SRCAP: variants seen among roughly 807,000 people sequenced by gnomAD.
The protein encoded by SRCAP is chromatin remodeling protein SRCAP.
A neutral mutation model predicts 263.1 loss-of-function variants in SRCAP; 46 were observed. That is an observed-to-expected ratio of 0.17 (90% confidence interval 0.14 to 0.22). The LOEUF is 0.22. Ranked by LOEUF, SRCAP falls within the 10% of genes least tolerant of loss-of-function variation. The pLI is 1.00. For missense variants in SRCAP, 3,695 were observed against 4,181.9 expected (o/e 0.88, Z 3.21); for synonymous variants, 1,813 against 1,662.1 (o/e 1.09, Z -2.21).
Position 30,733,128 on chromosome 16 carries a change from G to T in SRCAP, c.6128-152G>T. On this transcript the variant is annotated intron_variant, in intron 27 of 33. Transcript: ENST00000262518. This position sits in a 1 kb window ranked among gnomAD's most constrained non-coding sequence, Gnocchi z 5.3. ...AGGGACTACAGGTGTGAGCCACCATGCCCTGCCGTAGTTAAACATTTTTGA... is the reference window on the plus strand; with the variant it reads ...AGGGACTACAGGTGTGAGCCACCATTCCCTGCCGTAGTTAAACATTTTTGA... 1.2e-6 allele frequency: 1 copy of T among 825,934 alleles called. No individual in the cohort carries two copies. 51.2% of individuals were successfully genotyped at this position (825,934 alleles called of 1,614,324 possible).
Position 30,724,967 on chromosome 16 carries a change from C to T in SRCAP, c.5543C>T (p.Pro1848Leu), listed in dbSNP as rs187062267. The T allele has an allele frequency of 1.2e-6, 2 of 1,614,212 alleles. No homozygotes were observed. The highest frequency in any genetic ancestry group is 2.7e-5 in the African/African-American group (2 of 75,046). Reference protein sequence around the residue: ...VSRLPVSKDEPDTLTLRSGPP... With the variant: ...VSRLPVSKDELDTLTLRSGPP... ...CGGCTGCCTGTTTCCAAGGATGAGC[C>T]TGACACACTGACATTGCGCTCTGGT... Residue 1848 changes from proline (P) to leucine (L), a missense_variant, in exon 25 of 34, where the codon CCT becomes CTT. By Grantham distance (98) the Pro-to-Leu change is moderately conservative. Around this residue, in one of 12 missense-constraint regions of SRCAP, gnomAD observed 1,347 missense variants for 1,304.4 expected, o/e 1.03. Coordinates refer to ENST00000262518, the MANE Select transcript of SRCAP (RefSeq NM_006662.3).
chr16:30,722,251 G>T lies in SRCAP; in HGVS notation c.3671G>T (p.Arg1224Leu). 6.2e-7 allele frequency: 1 copy of T among 1,614,110 alleles called. No individual in the cohort carries two copies. The highest frequency in any genetic ancestry group is 8.5e-7 in the Non-Finnish European group (1 of 1,180,006). ...NKLTLTGAQV[R>L]QLAVGQPRPL... is the part of the protein sequence containing the mutation. ...CTGACTTTGACTGGTGCCCAGGTGCGCCAGCTTGCTGTGGGGCAGCCCCGC... is the reference window on the plus strand; with the variant it reads ...CTGACTTTGACTGGTGCCCAGGTGCTCCAGCTTGCTGTGGGGCAGCCCCGC... Residue 1224 changes from arginine to leucine, a missense_variant, in exon 22 of 34, where the codon CGC (arginine) becomes CTC (leucine). Physicochemically the swap from Arg to Leu is moderately radical, Grantham distance 102 (BLOSUM62 -2). Transcript: ENST00000262518.
At chr16:30,713,094 G>A (rs765958559) in intron 14 of SRCAP, 114 bp from the exon 15 acceptor site, 1 of 1,212,424 alleles carries the variant, frequency 8.2e-7, no homozygotes, top group East Asian at 2.3e-5. Context: ...CTTTTGCTGG[G>A]ACTTTCTCTT....
chr16:30,736,465 C>A (rs1016841924), intron 32 of SRCAP, 71 bp downstream of exon 32: 8 of 1,609,978 alleles, frequency 5.0e-6, no homozygotes, highest in Non-Finnish European at 5.1e-6. Context: ...TTTGTCTTCC[C>A]TGGTGGGAAT....
chr16:30,717,009 T>C (rs899992525), intron 18 of SRCAP, among the ~76,000 whole-genome samples: 3 of 152,256 alleles, frequency 2.0e-5, no homozygotes, highest in Non-Finnish European at 4.4e-5. Flanking sequence ...TATTTCTGCA[T>C]GTTGGGAAAA....
At chr16:30,710,617 T>G (rs1291683989) in intron 8 of SRCAP, 137 bp from the exon 9 acceptor site, 1 of 929,186 alleles carries the variant, frequency 1.1e-6, no homozygotes. Context: ...TTGATTGTAT[T>G]CTTGCCCTGG....
Position 30,720,720 on chromosome 16 carries a change from C to T in SRCAP, c.2995C>T (p.Gln999Ter). 6.3e-7 allele frequency: 1 copy of T among 1,597,868 alleles called. No individual in the cohort carries two copies. Among genetic ancestry groups the T allele is most frequent in the Non-Finnish European group, 8.5e-7 (1 of 1,170,168 alleles). ...CTTAATTTTTTCTCACAGGATGCTG[C>T]AGCCAGTACCTAAGCAAGAAGGCCG... is the stretch of plus-strand genomic sequence containing the variant. Reference protein sequence around the residue: ...PVKMKVNRMLQPVPKQEGRTV... With the variant: ...PVKMKVNRML Residue 999 changes from glutamine (Q) to a stop codon, truncating the protein, a stop_gained, in exon 20 of 34, where the codon CAG becomes TAG. Transcript: ENST00000262518. LOFTEE classifies it high-confidence loss of function.
Position 30,713,708 on chromosome 16 carries a change from C to T in SRCAP, c.2490C>T (p.His830=), listed in dbSNP as rs540360327. The T allele has an allele frequency of 3.7e-5, 59 of 1,613,662 alleles. 1 individual carries two copies. In the South Asian group the frequency reaches 6.0e-4, roughly 17 times the overall value. The part of the protein sequence containing the change: ...EYNEGLVKRL[H]KVLRPFLLRR... Reference sequence around the variant, plus strand: ...ATGAAGGTCTAGTCAAACGCCTCCACAAGGTAGGGCCTGCAACAGTTTGTC... The same window carrying T: ...ATGAAGGTCTAGTCAAACGCCTCCATAAGGTAGGGCCTGCAACAGTTTGTC... Residue 830 remains histidine (H), a synonymous_variant, in exon 16 of 34, where the codon CAC becomes CAT. Coordinates refer to ENST00000262518, the MANE Select transcript of SRCAP (RefSeq NM_006662.3).
rs770296379 is a variant in SRCAP at position 30,720,749 on chromosome 16, A to G, written c.3024A>G (p.Thr1008=). 5 of 1,612,398 alleles carry G rather than the reference A, an allele frequency of 3.1e-6. No homozygotes were observed. In the Admixed American group the frequency reaches 5.0e-5, roughly 16 times the overall value. ...CAGTACCTAAGCAAGAAGGCCGGAC[A>G]GTGGTGGTGGTGAACAACCCACGGG... ...LQPVPKQEGR[T]VVVVNNPRAP... The change falls in exon 20 of 34, where the codon ACA becomes ACG. Residue 1008 remains threonine (T), a synonymous_variant. Transcript: ENST00000262518.
chr16:30,712,036 A>T lies in SRCAP; in HGVS notation c.1694A>T (p.Asp565Val). 1 of 1,614,086 alleles carries T rather than the reference A, an allele frequency of 6.2e-7. No individual in the cohort carries two copies. The highest frequency in any genetic ancestry group is 8.5e-7 in the Non-Finnish European group (1 of 1,180,026). Residue 565 changes from aspartate to valine, a missense_variant, in exon 12 of 34, where the codon GAT (aspartate) becomes GTT (valine). Coordinates refer to ENST00000262518, the MANE Select transcript of SRCAP (RefSeq NM_006662.3). Reference protein sequence around the residue: ...LARDEEQSEADAGSGPPTPGP... With the variant: ...LARDEEQSEAVAGSGPPTPGP... Reference sequence around the variant, plus strand: ...AGGGATGAAGAGCAGAGTGAGGCAGATGCAGGCAGTGGGCCTCCTACTCCA... The same window carrying T: ...AGGGATGAAGAGCAGAGTGAGGCAGTTGCAGGCAGTGGGCCTCCTACTCCA...
intron 16 of SRCAP, 139 bp downstream of exon 16, chr16:30,713,850 G>A: frequency 1.4e-6 from 1 of 726,186 alleles, no homozygotes; most frequent in South Asian, 1.8e-5. Flanking sequence ...CAGTGTTCTA[G>A]TGACTAACCC....
chr16:30,715,569 A>G (rs2052939597), intron 16 of SRCAP, among the ~76,000 whole-genome samples: 1 of 151,746 alleles, frequency 6.6e-6, no homozygotes, highest in African/African-American at 2.4e-5. Context: ...TGTATCAAAA[A>G]AAAAAAAAAA....
At position 30,733,230 on chromosome 16, in the gene SRCAP, A is replaced by G. The variant is rs1371164916; in HGVS notation, c.6128-50A>G. The G allele has an allele frequency of 1.3e-6, 2 of 1,592,088 alleles. No homozygotes were observed. Among genetic ancestry groups the G allele is most frequent in the East Asian group, 2.2e-5 (1 of 44,688 alleles). On this transcript the variant is annotated intron_variant, in intron 27 of 33. Transcript: ENST00000262518. The surrounding 1 kb of genome is among the most constrained non-coding windows in gnomAD (Gnocchi z 5.3). Reference sequence around the variant, plus strand: ...CCAGCCTTGCATTGCTAAGCATTCTACCCATTGCGGCTTGTAGCTAGCTCC... The same window carrying G: ...CCAGCCTTGCATTGCTAAGCATTCTGCCCATTGCGGCTTGTAGCTAGCTCC...
chr16:30,725,087 G>A lies in SRCAP; in HGVS notation c.5658+5G>A. 6.2e-7 allele frequency: 1 copy of A among 1,602,036 alleles called. No homozygotes were observed. The highest frequency in any genetic ancestry group is 8.5e-7 in the Non-Finnish European group (1 of 1,173,136). On this transcript the variant is annotated splice_donor_5th_base_variant and intron_variant, in intron 25 of 33. Transcript: ENST00000262518. ...CCTCGTTCCCCTTTTTATCTGGTAA[G>A]TTTTACTTCCTCAAGAGGGAACAGG...
intron 31 of SRCAP, among the ~76,000 whole-genome samples, chr16:30,735,567 C>CTTTTTTTTTTTT (rs10663863): frequency 4.3e-5 from 3 of 69,594 alleles, no homozygotes; most frequent in Non-Finnish European, 7.5e-5. Context: ...TTTGACATTA[C>CTTTTTTTTTTTT]TTTTTTTTTT....
chr16:30,700,606 C>A lies in SRCAP; in HGVS notation c.-209-10C>A, dbSNP rs1487412444. 3 of 385,888 alleles carry A rather than the reference C, an allele frequency of 7.8e-6. No individual in the cohort carries two copies. The highest frequency in any genetic ancestry group is 4.3e-5 in the Admixed American group (1 of 23,260). The allele number at this position is 385,888 out of a possible 1,614,324, so 23.9% of individuals were successfully genotyped here. A position where few individuals can be genotyped will look rare whatever the true frequency, so the allele number is the denominator to read the frequency against. The stretch of plus-strand genomic sequence containing the variant: ...TTCTGTCTTTTTTTTTTTTTTTAAC[C>A]CTACTTTAGGTGCTCCAGAGGCTGG... On this transcript the variant is annotated splice_polypyrimidine_tract_variant and intron_variant, in intron 2 of 33. Transcript: ENST00000262518.
At chr16:30,713,414 T>C in intron 15 of SRCAP, 37 bp downstream of exon 15, 1 of 1,613,586 alleles carries the variant, frequency 6.2e-7, no homozygotes, top group Non-Finnish European at 8.5e-7. Context: ...GAGGGTTGAC[T>C]TGGCTAGAAG....
Position 30,721,223 on chromosome 16 carries a change from C to G in SRCAP, c.3288C>G (p.Thr1096=), listed in dbSNP as rs2053008263. The part of the protein sequence containing the change: ...LPSPLGVLSG[T]SRPPTPTLSL... Reference sequence around the variant, plus strand: ...CCCCCCTGGGGGTCCTGAGTGGGACCTCACGGCCTCCCACGCCAACCTTGT... The same window carrying G: ...CCCCCCTGGGGGTCCTGAGTGGGACGTCACGGCCTCCCACGCCAACCTTGT... The change falls in exon 21 of 34, where the codon ACC becomes ACG. Residue 1096 remains threonine, a synonymous_variant. Transcript: ENST00000262518. 6.2e-7 allele frequency: 1 copy of G among 1,613,206 alleles called. No homozygotes were observed. The highest frequency in any genetic ancestry group is 8.5e-7 in the Non-Finnish European group (1 of 1,179,588).
In SRCAP at chr16:30,709,493, C is replaced by A. The variant is rs376499525; in HGVS notation, c.634-20C>A. The A allele has an allele frequency of 2.3e-5, 37 of 1,612,954 alleles. No homozygotes were observed. The highest frequency in any genetic ancestry group is 3.1e-5 in the Non-Finnish European group (36 of 1,179,036). On this transcript the variant is annotated intron_variant, in intron 6 of 33. Transcript: ENST00000262518. ...TAAAATGGTTATCTTGGTGAGCAGT[C>A]CCTTTCACATCTGTGGCAGGTGGTG...
Sources: allele counts gnomAD v4.1 joint callset (sites outside exome capture counted in the v4.1 genomes callset), GRCh38; gene constraint gnomAD v4.1.1; regional missense constraint gnomAD v4.1.1; non-coding constraint Gnocchi (gnomAD v3.1); transcripts MANE v1.5; gene names NCBI Gene and HGNC (gene_info 2026-07-23, HGNC 2026-07-21).